SLCO4C1: variants seen among roughly 807,000 people sequenced by gnomAD.
The protein encoded by SLCO4C1 is organic anion transporter M1.
In SLCO4C1, 58 loss-of-function variants were observed where a neutral mutation model predicts 72.1. The observed-to-expected ratio is 0.80, with a 90% CI of 0.65 to 1.00. The LOEUF is 1.00. Among genes scored for constraint, SLCO4C1 ranks in the 50% least tolerant of loss-of-function variants. The pLI, the probability that SLCO4C1 is intolerant of heterozygous loss-of-function variation, is 0.00. For synonymous variants in SLCO4C1, 297 were observed against 312.5 expected (o/e 0.95, Z 0.52); for missense variants, 898 against 857.9 (o/e 1.05, Z -0.58).
chr5:102,246,518 G>A (rs1479147236), intron 10 of SLCO4C1, among the ~76,000 whole-genome samples: 1 of 151,980 alleles, frequency 6.6e-6, no homozygotes, highest in African/African-American at 2.4e-5. Context: ...ATGTCTCCCA[G>A]TAAAGAAAAG....
At chr5:102,271,973 T>C (rs553231573) in intron 2 of SLCO4C1, among the ~76,000 whole-genome samples, 42 of 152,202 alleles carry the variant, frequency 2.8e-4, no homozygotes, top group Non-Finnish European at 4.7e-4. Flanking sequence ...GCCAATTAGC[T>C]CAGCCCAGGT....
At chr5:102,253,382 G>T (rs1352500575) in intron 8 of SLCO4C1, among the ~76,000 whole-genome samples, 1 of 152,006 alleles carries the variant, frequency 6.6e-6, no homozygotes, top group Non-Finnish European at 1.5e-5. Context: ...AATTAACACA[G>T]GCACAGAAAA....
At position 102,236,847 on chromosome 5, in the gene SLCO4C1, C is replaced by G; in HGVS notation, c.*11G>C. 6.2e-7 allele frequency: 1 copy of G among 1,609,866 alleles called. No homozygotes were observed. The highest frequency in any genetic ancestry group is 1.1e-5 in the South Asian group (1 of 89,690). On this transcript the variant is annotated 3_prime_UTR_variant, in exon 13 of 13. Transcript: ENST00000310954. ...TTTTCCAGGTGTAAAACAGTCTTCTCTTTTCCCATTTCACCCTTCTTTTAC... is the reference window on the plus strand; with the variant it reads ...TTTTCCAGGTGTAAAACAGTCTTCTGTTTTCCCATTTCACCCTTCTTTTAC...
intron 12 of SLCO4C1, among the ~76,000 whole-genome samples, chr5:102,237,271 C>T (rs1729994376): frequency 6.6e-6 from 1 of 152,092 alleles, no homozygotes; most frequent in Non-Finnish European, 1.5e-5. Flanking sequence ...TATGCTTGTG[C>T]ATTCTTGTAA....
rs777363737 is a variant in SLCO4C1 at position 102,260,257 on chromosome 5, C to T, written c.1084G>A (p.Val362Met). 60 of 1,404,646 alleles carry T rather than the reference C, an allele frequency of 4.3e-5. No homozygotes were observed. Among genetic ancestry groups the T allele is most frequent in the Middle Eastern group, 1.9e-4 (1 of 5,248 alleles). 87.0% of individuals were successfully genotyped at this position (1,404,646 alleles called of 1,614,324 possible). Residue 362 changes from valine (V) to methionine (M), a missense_variant, in exon 6 of 13, where the codon GTG becomes ATG. Physicochemically the swap from Val to Met is conservative, Grantham distance 21 (BLOSUM62 1). Transcript: ENST00000310954. ...TCTTTAATACTTTTTCCAAATTTCA[C>T]ATCTGCATTACTATTACTCTGATGA... ...QAHQSNSNADVKFGKSIKDFP... is the reference protein window; with the variant it reads ...QAHQSNSNADMKFGKSIKDFP...
chr5:102,277,525 G>A (rs1749268426), intron 2 of SLCO4C1, among the ~76,000 whole-genome samples: 1 of 152,150 alleles, frequency 6.6e-6, no homozygotes, highest in South Asian at 2.1e-4. Context: ...TGTGGTGTCA[G>A]TAGAAGAGTA....
chr5:102,272,274 G>A (rs1300525071), intron 2 of SLCO4C1, among the ~76,000 whole-genome samples: 2 of 152,084 alleles, frequency 1.3e-5, no homozygotes, highest in Non-Finnish European at 2.9e-5. Flanking sequence ...ACTAATCTGT[G>A]CAATCCCACT....
At chr5:102,272,530 G>A (rs1749170282) in intron 2 of SLCO4C1, among the ~76,000 whole-genome samples, 1 of 151,960 alleles carries the variant, frequency 6.6e-6, no homozygotes, top group Non-Finnish European at 1.5e-5. Context: ...GCTAGTAAGG[G>A]AGAACAGTCT....
intron 10 of SLCO4C1, among the ~76,000 whole-genome samples, chr5:102,246,349 A>G (rs1748636546): frequency 6.6e-6 from 1 of 152,154 alleles, no homozygotes; most frequent in African/African-American, 2.4e-5. Context: ...AATTCAAAGG[A>G]TCATGAGTGG....
At chr5:102,240,385 T>C (rs10463967) in intron 11 of SLCO4C1, among the ~76,000 whole-genome samples, 1 of 152,004 alleles carries the variant, frequency 6.6e-6, no homozygotes, top group African/African-American at 2.4e-5. Flanking sequence ...TTTTAATTGC[T>C]AGTGTAACAC....
intron 2 of SLCO4C1, among the ~76,000 whole-genome samples, chr5:102,285,815 A>T (rs975459490): frequency 5.9e-5 from 9 of 152,142 alleles, no homozygotes; most frequent in Admixed American, 5.2e-4. Context: ...AGTTACAAAG[A>T]AGTAAAATTT....
intron 10 of SLCO4C1, among the ~76,000 whole-genome samples, chr5:102,243,692 C>G (rs1193318566): frequency 6.6e-6 from 1 of 152,164 alleles, no homozygotes; most frequent in East Asian, 1.9e-4. Flanking sequence ...TGCTGAAGAA[C>G]ATCTACTAGT....
chr5:102,245,037 T>C (rs1390374109), intron 10 of SLCO4C1, among the ~76,000 whole-genome samples: 1 of 152,078 alleles, frequency 6.6e-6, no homozygotes, highest in Non-Finnish European at 1.5e-5. Flanking sequence ...TTATCCTAAG[T>C]AGAAAGGTTA....
intron 3 of SLCO4C1, among the ~76,000 whole-genome samples, chr5:102,267,927 GT>G (rs1209812386): frequency 6.6e-6 from 1 of 151,644 alleles, no homozygotes; most frequent in Admixed American, 6.6e-5. Context: ...TTGATTTCTA[GT>G]TTTTTTTCAC....
At chr5:102,281,620 A>G (rs79575919) in intron 2 of SLCO4C1, among the ~76,000 whole-genome samples, 8,658 of 152,226 alleles carry the variant, frequency 0.057, 357 homozygotes, top group African/African-American at 0.12. Context: ...CAAAGACATG[A>G]AAAGACATTT....
Position 102,257,307 on chromosome 5 carries a change from G to GCC in SLCO4C1, c.1275_1276dup (p.Ala426GlyfsTer4), listed in dbSNP as rs969966323. On this transcript the variant is annotated frameshift_variant, in exon 8 of 13. Transcript: ENST00000310954. LOFTEE classifies it high-confidence loss of function. ...GAGAGCAGCTCCAGGAATTAAAACA[G>GCC]CCCCTAATAAGAAAAAAGAATGTAG... The GCC allele has an allele frequency of 4.4e-6, 7 of 1,581,646 alleles. No homozygotes were observed. The African/African-American group carries it at 9.6e-5, about 22-fold the overall frequency.
chr5:102,275,710 C>T (rs1749235095), intron 2 of SLCO4C1, among the ~76,000 whole-genome samples: 1 of 152,064 alleles, frequency 6.6e-6, no homozygotes, highest in Admixed American at 6.5e-5. Flanking sequence ...TTGTGTGCTT[C>T]GTAAATCTTC....
chr5:102,238,951 A>G (rs1748486830), intron 12 of SLCO4C1, among the ~76,000 whole-genome samples: 1 of 152,154 alleles, frequency 6.6e-6, no homozygotes, highest in Non-Finnish European at 1.5e-5. Context: ...TTAGCTTTCG[A>G]GTATACTTTC....
intron 10 of SLCO4C1, 137 bp from the exon 11 acceptor site, chr5:102,240,919 A>C (rs1748528178): frequency 1.8e-6 from 1 of 547,994 alleles, no homozygotes; most frequent in South Asian, 3.7e-5. Flanking sequence ...CATTTGTAAG[A>C]GCTTATAAAT....
Sources: allele counts gnomAD v4.1 joint callset (sites outside exome capture counted in the v4.1 genomes callset), GRCh38; gene constraint gnomAD v4.1.1; transcripts MANE v1.5; gene names NCBI Gene and HGNC (gene_info 2026-07-23, HGNC 2026-07-21).